Variants in USP28 observed in about 807,000 individuals in gnomAD.
The protein encoded by USP28 is ubiquitin carboxyl-terminal hydrolase 28.
In USP28, 113 loss-of-function variants were observed where a neutral mutation model predicts 145.0. The ratio of observed to expected loss-of-function variants is 0.78; its 90% CI spans 0.67 to 0.91. The LOEUF is 0.91. USP28 is among the 40% of genes least tolerant of loss of function. USP28 has a pLI of 0.00. For missense variants in USP28, 1,201 were observed against 1,289.6 expected (o/e 0.93, Z 1.05); for synonymous variants, 447 against 450.9 (o/e 0.99, Z 0.11).
At chr11:113,836,266 G>A (rs997456524) in intron 5 of USP28, among the ~76,000 whole-genome samples, 4 of 151,914 alleles carry the variant, frequency 2.6e-5, no homozygotes, top group Admixed American at 6.6e-5. Context: ...CTTTCTCCTC[G>A]CCATTCACAT....
At chr11:113,829,557 G>C in intron 9 of USP28, 1 of 564,008 alleles carries the variant, frequency 1.8e-6, no homozygotes, top group Non-Finnish European at 3.0e-6. Flanking sequence ...CAGGGGCTTC[G>C]TGGCTTATGC....
chr11:113,852,650 C>A lies in USP28; in HGVS notation c.136-17G>T, dbSNP rs372142954. Reference sequence around the variant, plus strand: ...ATTACTGGCCTATGGGAGAAAAAGACAATAGAAATTTCAAAAGTAATCATA... The same window carrying A: ...ATTACTGGCCTATGGGAGAAAAAGAAAATAGAAATTTCAAAAGTAATCATA... On this transcript the variant is annotated splice_polypyrimidine_tract_variant and intron_variant, in intron 2 of 24. Coordinates refer to ENST00000003302, the Ensembl canonical transcript of USP28. 6.2e-7 allele frequency: 1 copy of A among 1,611,050 alleles called. No individual in the cohort carries two copies. The highest frequency in any genetic ancestry group is 1.4e-5 in the African/African-American group (1 of 73,332).
chr11:113,863,362 G>A (rs1349948767), intron 1 of USP28, among the ~76,000 whole-genome samples: 2 of 152,200 alleles, frequency 1.3e-5, no homozygotes, highest in East Asian at 3.9e-4. Context: ...GGTCACTGCT[G>A]AGGCTGGGTG....
intron 1 of USP28, among the ~76,000 whole-genome samples, chr11:113,873,186 G>A (rs1455941896): frequency 6.6e-6 from 1 of 152,220 alleles, no homozygotes; most frequent in Non-Finnish European, 1.5e-5. Context: ...TGAGGAAGAA[G>A]TTATTAAAAT....
intron 9 of USP28, 80 bp downstream of exon 9, chr11:113,830,787 C>T (rs1199078998): frequency 3.6e-6 from 5 of 1,379,794 alleles, no homozygotes; most frequent in Admixed American, 1.7e-5. Flanking sequence ...AGCCTATTCA[C>T]TATACTGCCT....
intron 16 of USP28, among the ~76,000 whole-genome samples, chr11:113,809,957 C>T (rs1940687270): frequency 6.7e-6 from 1 of 150,004 alleles, no homozygotes; most frequent in African/African-American, 2.5e-5. Context: ...ATCGCTTGAA[C>T]CTGGGAGGAG....
intron 9 of USP28, among the ~76,000 whole-genome samples, chr11:113,829,671 A>G (rs970075858): frequency 6.6e-6 from 1 of 152,076 alleles, no homozygotes; most frequent in African/African-American, 2.4e-5. Flanking sequence ...TACAAAAAAT[A>G]AAAATTATCC....
At chr11:113,827,110 A>C in intron 11 of USP28, 123 bp downstream of exon 11, 1 of 1,263,428 alleles carries the variant, frequency 7.9e-7, no homozygotes, top group Non-Finnish European at 1.1e-6. Flanking sequence ...ACCTAGACTC[A>C]TAGAATCCAA....
chr11:113,803,916 A>G (rs750673526), intron 21 of USP28, 39 bp from the exon 23 acceptor site: 10 of 1,559,654 alleles, frequency 6.4e-6, no homozygotes, highest in Admixed American at 3.4e-5. Context: ...CATGATCATA[A>G]TAGATTGTTA....
At chr11:113,830,823 T>C (rs569220529) in intron 9 of USP28, 44 bp downstream of exon 9, 3 of 1,583,574 alleles carry the variant, frequency 1.9e-6, no homozygotes, top group Admixed American at 3.3e-5. Flanking sequence ...GTAATAAAGA[T>C]ATGATCAAAG....
exon 20 of USP28, chr11:113,804,912 G>T (rs369898502): frequency 3.1e-6 from 5 of 1,614,144 alleles, no homozygotes; most frequent in Non-Finnish European, 3.4e-6. Context: ...GTTCCAGAAG[G>T]GTTCGTTCTA....
At chr11:113,863,990 G>A (rs1591488183) in intron 1 of USP28, among the ~76,000 whole-genome samples, 1 of 150,924 alleles carries the variant, frequency 6.6e-6, no homozygotes, top group Admixed American at 6.6e-5. Flanking sequence ...TGTAATCCCA[G>A]CACTTTGGGA....
In USP28 at chr11:113,827,368, CAA is replaced by C. The variant is rs768414049; in HGVS notation, c.1060-10_1060-9del. On this transcript the variant is annotated splice_polypyrimidine_tract_variant and intron_variant, in intron 10 of 24. Transcript: ENST00000003302. The stretch of plus-strand genomic sequence containing the variant: ...TAGCTTTGTAAACCAACGCTAGTGT[CAA>C]GAGTAGAAATGTGAGAGAAAGAAAA... 1.3e-6 allele frequency: 2 copies of C among 1,579,778 alleles called. No individual in the cohort carries two copies. Among genetic ancestry groups the C allele is most frequent in the African/African-American group, 2.8e-5 (2 of 72,318 alleles).
intron 23 of USP28, among the ~76,000 whole-genome samples, chr11:113,802,011 A>G (rs984013571): frequency 1.3e-5 from 2 of 152,222 alleles, no homozygotes; most frequent in African/African-American, 4.8e-5. Context: ...TCTGAGCATC[A>G]GAATCACCTG....
intron 12 of USP28, chr11:113,821,307 C>T (rs1035837180): frequency 3.6e-5 from 8 of 225,112 alleles, no homozygotes; most frequent in East Asian, 1.1e-4. Flanking sequence ...GCTGACAGTG[C>T]TACATGGAAC....
At chr11:113,863,717 G>A (rs549242902) in intron 1 of USP28, among the ~76,000 whole-genome samples, 16 of 151,594 alleles carry the variant, frequency 1.1e-4, no homozygotes, top group African/African-American at 1.2e-4. Context: ...AGGCTGAGGC[G>A]GCCGGATCAC....
intron 10 of USP28, chr11:113,828,797 T>G (rs887453915): frequency 1.1e-5 from 4 of 358,474 alleles, no homozygotes; most frequent in Non-Finnish European, 2.2e-5. Flanking sequence ...AATTTACAAT[T>G]GAGAACAGTA....
intron 5 of USP28, among the ~76,000 whole-genome samples, chr11:113,836,526 G>C (rs1244134583): frequency 1.3e-5 from 2 of 152,188 alleles, no homozygotes; most frequent in African/African-American, 4.8e-5. Context: ...CTGTCATCTA[G>C]TAACAGCTTT....
intron 1 of USP28, among the ~76,000 whole-genome samples, chr11:113,854,975 G>T (rs1298592645): frequency 1.3e-5 from 2 of 152,200 alleles, no homozygotes; most frequent in Non-Finnish European, 2.9e-5. Flanking sequence ...CGGGGAATTT[G>T]CATGGATATA....
Sources: gnomAD v4.1 joint callset for allele counts (sites outside exome capture counted in the v4.1 genomes callset) on GRCh38, gnomAD v4.1.1 for gene constraint, MANE v1.5 for transcripts, NCBI Gene and HGNC (gene_info 2026-07-23, HGNC 2026-07-21) for gene names.